DOCK4: variants seen among roughly 807,000 people sequenced by gnomAD.
DOCK4 encodes dedicator of cytokinesis 4.
A neutral mutation model predicts 268.1 loss-of-function variants in DOCK4; 97 were observed. That is an observed-to-expected ratio of 0.36 (90% CI 0.31 to 0.43). The LOEUF (loss-of-function observed/expected upper bound fraction) is 0.43, where lower values mean the gene tolerates loss of function less well. Ranked by LOEUF, DOCK4 falls within the 20% of genes least tolerant of loss-of-function variation. DOCK4 has a pLI of 1.00. For synonymous variants in DOCK4, 954 were observed against 887.2 expected (o/e 1.08, Z -1.34); for missense variants, 2,145 against 2,455.7 (o/e 0.87, Z 2.67).
At chr7:111,847,678 A>G (rs923301769) in intron 23 of DOCK4, among the ~76,000 whole-genome samples, 5 of 152,014 alleles carry the variant, frequency 3.3e-5, no homozygotes, top group African/African-American at 1.2e-4. Context: ...TTCCCTTTTC[A>G]CTTGGCTTCA....
chr7:111,840,205 A>C (rs1803572283), intron 25 of DOCK4, among the ~76,000 whole-genome samples: 2 of 152,222 alleles, frequency 1.3e-5, no homozygotes, highest in African/African-American at 4.8e-5. Flanking sequence ...CCTATTATAC[A>C]CATACATTAT....
chr7:111,762,762 C>CTTTTTTTTTTTTTTTTTTTTTTTTTTT lies in DOCK4; in HGVS notation c.4020+2355_4020+2356insAAAAAAAAAAAAAAAAAAAAAAAAAAA, dbSNP rs869052136. 1.8e-3 allele frequency among the ~76,000 whole-genome samples: 114 copies of CTTTTTTTTTTTTTTTTTTTTTTTTTTT among 63,060 alleles called. 19 individuals are homozygous for CTTTTTTTTTTTTTTTTTTTTTTTTTTT. The highest frequency in any genetic ancestry group is 0.015 in the Middle Eastern group (1 of 68). The allele number at this position is 63,060 out of a possible 152,430, so 41.4% of individuals were successfully genotyped here. A position where few individuals can be genotyped will look rare whatever the true frequency, so the allele number is the denominator to read the frequency against. ...TAAATAACCCATTTTGTTTTGTTTTCTTTTTTTTTTTTTTTTTTTTTTTTG... is the reference window on the plus strand; with the variant it reads ...TAAATAACCCATTTTGTTTTGTTTTCTTTTTTTTTTTTTTTTTTTTTTTTTTTTTTTTTTTTTTTTTTTTTTTTTTTG... On this transcript the variant is annotated intron_variant, in intron 39 of 52. Transcript: ENST00000428084.
rs369804288 is a variant in DOCK4, at chr7:111,747,449, A to G, written c.4417-6T>C. On this transcript the variant is annotated splice_polypyrimidine_tract_variant and splice_region_variant and intron_variant, in intron 42 of 52. Coordinates refer to ENST00000428084, the MANE Select transcript of DOCK4 (RefSeq NM_001363540.2). The stretch of plus-strand genomic sequence containing the variant: ...TCCAGAGGACTCATTTCTACCTGAG[A>G]AGCAAATGAACATAAATATATATTG... 108 of 1,581,024 alleles carry G rather than the reference A, an allele frequency of 6.8e-5. No individual in the cohort carries two copies. The highest frequency in any genetic ancestry group is 9.2e-5 in the Non-Finnish European group (107 of 1,163,778).
At position 111,981,675 on chromosome 7, in the gene DOCK4, A is replaced by G. The variant is rs112555892; in HGVS notation, c.549+2631T>C. On this transcript the variant is annotated intron_variant, in intron 7 of 52. Coordinates refer to ENST00000428084, the MANE Select transcript of DOCK4 (RefSeq NM_001363540.2). ...AAGTGCAACCAGCACTGAGGAGAAA[A>G]TAAGTTTTCATGTCAAATCACATTT... 9.4e-3 allele frequency among the ~76,000 whole-genome samples: 1,435 copies of G among 152,308 alleles called. 21 individuals are homozygous for G. The highest frequency in any genetic ancestry group is 0.033 in the African/African-American group (1,362 of 41,542).
chr7:112,078,115 A>G (rs1808248007), intron 1 of DOCK4, among the ~76,000 whole-genome samples: 1 of 152,182 alleles, frequency 6.6e-6, no homozygotes, highest in Non-Finnish European at 1.5e-5. Context: ...AATTCAATAT[A>G]CATAAATTCA....
intron 1 of DOCK4, among the ~76,000 whole-genome samples, chr7:112,200,725 T>TAAAAAAAAAAAAAAAAAAAAA (rs1335683859): frequency 1.9e-5 from 2 of 102,756 alleles, no homozygotes; most frequent in Non-Finnish European, 1.9e-5. Context: ...GCCTCTAAAA[T>TAAAAAAAAAAAAAAAAAAAAA]AAAAAAAAAA....
intron 23 of DOCK4, among the ~76,000 whole-genome samples, chr7:111,853,184 T>G (rs1233679780): frequency 6.6e-6 from 1 of 152,116 alleles, no homozygotes; most frequent in African/African-American, 2.4e-5. Flanking sequence ...GAGTCATACT[T>G]TTGCCTCCTC....
At position 111,977,290 on chromosome 7, in the gene DOCK4, G is replaced by T. The variant is rs1378386562; in HGVS notation, c.550-7C>A. On this transcript the variant is annotated splice_polypyrimidine_tract_variant and splice_region_variant and intron_variant, in intron 7 of 52. Transcript: ENST00000428084. ...TCCGATGTCGATGTTCCATCTGAAT[G>T]ACACCCCCCAACAAAAACATGATCA... is the stretch of plus-strand genomic sequence containing the variant. 5 of 1,586,624 alleles carry T rather than the reference G, an allele frequency of 3.2e-6. No homozygotes were observed. Among genetic ancestry groups the T allele is most frequent in the East Asian group, 2.3e-5 (1 of 43,742 alleles).
intron 25 of DOCK4, chr7:111,840,811 T>C (rs369329928): frequency 3.3e-4 from 439 of 1,346,656 alleles, no homozygotes; most frequent in Non-Finnish European, 4.0e-4. Flanking sequence ...CTGCACAGAC[T>C]GAAAAGGTGC....
intron 30 of DOCK4, among the ~76,000 whole-genome samples, chr7:111,794,245 A>C (rs1799742022): frequency 6.6e-6 from 1 of 152,176 alleles, no homozygotes; most frequent in Non-Finnish European, 1.5e-5. Context: ...CTTAAGATGG[A>C]AGGCAAGATC....
chr7:112,071,390 T>G (rs1047031243), intron 1 of DOCK4, among the ~76,000 whole-genome samples: 1 of 152,196 alleles, frequency 6.6e-6, no homozygotes, highest in African/African-American at 2.4e-5. Flanking sequence ...TTAAACATGT[T>G]GGAAGACCCA....
In DOCK4 at chr7:111,834,004, G is replaced by C. The variant is rs542095731; in HGVS notation, c.2835+584C>G. ...CCAACTAAGAATAATCAAGCATTTA[G>C]TGAAACCATGAAGGATGCATTACAG... On this transcript the variant is annotated intron_variant, in intron 26 of 52. Coordinates refer to ENST00000428084, the MANE Select transcript of DOCK4 (RefSeq NM_001363540.2). Among the ~76,000 whole-genome samples, 7 of 152,328 alleles carry C rather than the reference G, an allele frequency of 4.6e-5. 1 individual carries two copies. The South Asian group carries it at 1.4e-3, about 32-fold the overall frequency.
rs1190237833 is a variant in DOCK4, at chr7:111,909,679, GATGGGC to G, written c.1192+6094_1192+6099del. Among the ~76,000 whole-genome samples the G allele has an allele frequency of 6.6e-5, 10 of 152,330 alleles. No homozygotes were observed. The East Asian group carries it at 1.9e-3, about 29-fold the overall frequency. The stretch of plus-strand genomic sequence containing the variant: ...TGTTTTCACTTAAATCTTTTTAGGG[GATGGGC>G]ATGGTGGCCCATGCCTGTAATTGCA... On this transcript the variant is annotated intron_variant, in intron 13 of 52. Coordinates refer to ENST00000428084, the MANE Select transcript of DOCK4 (RefSeq NM_001363540.2).
At chr7:112,010,383 C>G (rs944905024) in intron 1 of DOCK4, among the ~76,000 whole-genome samples, 9 of 152,276 alleles carry the variant, frequency 5.9e-5, no homozygotes, top group African/African-American at 2.2e-4. Flanking sequence ...AACTGTTTTT[C>G]TTCTTTATTC....
At chr7:111,765,267 G>A (rs773820275) in intron 38 of DOCK4, 45 bp from the exon 39 acceptor site, 17 of 1,065,670 alleles carry the variant, frequency 1.6e-5, no homozygotes, top group South Asian at 6.8e-5. Context: ...CTCATCTTTC[G>A]GTTCTATCAA....
At chr7:112,058,683 A>C (rs1293897788) in intron 1 of DOCK4, among the ~76,000 whole-genome samples, 1 of 152,192 alleles carries the variant, frequency 6.6e-6, no homozygotes, top group Non-Finnish European at 1.5e-5. Context: ...TAAGGGTCAT[A>C]GACAGAATAT....
At chr7:111,760,545 C>T (rs1439201685) in intron 39 of DOCK4, among the ~76,000 whole-genome samples, 1 of 152,128 alleles carries the variant, frequency 6.6e-6, no homozygotes, top group Non-Finnish European at 1.5e-5. Context: ...AATAGAATGC[C>T]TCACTCTTCC....
chr7:112,159,505 C>G (rs1816899422), intron 1 of DOCK4, among the ~76,000 whole-genome samples: 1 of 152,138 alleles, frequency 6.6e-6, no homozygotes, highest in Non-Finnish European at 1.5e-5. Flanking sequence ...TCTAAACACA[C>G]TCCTCAACTA....
intron 1 of DOCK4, among the ~76,000 whole-genome samples, chr7:112,179,834 A>T (rs1818867941): frequency 6.6e-6 from 1 of 152,208 alleles, no homozygotes; most frequent in South Asian, 2.1e-4. Flanking sequence ...CCTCAAAGGT[A>T]TGATGAATAT....
Sources: allele counts gnomAD v4.1 joint callset (sites outside exome capture counted in the v4.1 genomes callset), GRCh38; gene constraint gnomAD v4.1.1; transcripts MANE v1.5; gene names NCBI Gene and HGNC (gene_info 2026-07-23, HGNC 2026-07-21).